The following SCHIP1 variants were observed in gnomAD, a reference collection of about 807,000 sequenced individuals.
SCHIP1 encodes schwannomin-interacting protein 1.
Under a neutral mutation model 29.7 loss-of-function variants are expected in SCHIP1, and 8 were observed. The ratio of observed to expected loss-of-function variants is 0.27; its 90% CI spans 0.16 to 0.49. SCHIP1 has a LOEUF of 0.49. SCHIP1 is among the 20% of genes least tolerant of loss of function. The pLI, the probability that SCHIP1 is intolerant of heterozygous loss-of-function variation, is 0.99. For missense variants in SCHIP1, 193 were observed against 294.6 expected, an observed-to-expected ratio of 0.66 and a Z score of 2.52; for synonymous variants, 76 against 94.9, an observed-to-expected ratio of 0.80 and a Z score of 1.16.
At position 159,855,142 on chromosome 3, in the gene SCHIP1, G is replaced by A. The variant is rs192996044; in HGVS notation, c.31-11021G>A. Reference sequence around the variant, plus strand: ...TCAGAGATCAGTTCATTATGTTCCGGATCTTAAACATGAGGGTTGTTCTCT... The same window carrying A: ...TCAGAGATCAGTTCATTATGTTCCGAATCTTAAACATGAGGGTTGTTCTCT... On this transcript the variant is annotated intron_variant, in intron 1 of 6. Coordinates refer to ENST00000445224, the Ensembl canonical transcript of SCHIP1. Among the ~76,000 whole-genome samples, 254 of 152,280 alleles carry A rather than the reference G, an allele frequency of 1.7e-3. 1 individual carries two copies. Among genetic ancestry groups the A allele is most frequent in the African/African-American group, 5.9e-3 (244 of 41,558 alleles).
At chr3:159,601,132 C>T in the SCHIP1 span, among the ~76,000 whole-genome samples, 258 of 152,248 alleles carry the variant, frequency 1.7e-3, 1 homozygote, top group African/African-American at 6.0e-3. Context: ...TGGGATGATT[C>T]TTGAGCCTCC....
chr3:159,574,997 AGGTAGTCTGTCAC>A, the SCHIP1 span, among the ~76,000 whole-genome samples: 105 of 152,186 alleles, frequency 6.9e-4, no homozygotes, highest in Non-Finnish European at 1.3e-3. Context: ...CCGTTTTTCC[AGGTAGTCTGTCAC>A]GGCTTCCCTT....
the SCHIP1 span, among the ~76,000 whole-genome samples, chr3:159,514,530 A>G: frequency 1.3e-5 from 2 of 152,372 alleles, no homozygotes; most frequent in East Asian, 3.9e-4. Flanking sequence ...TGAATGCGTC[A>G]GCTTCATTGC....
chr3:159,700,026 C>T, the SCHIP1 span, among the ~76,000 whole-genome samples: 1 of 152,168 alleles, frequency 6.6e-6, no homozygotes, highest in Non-Finnish European at 1.5e-5. Flanking sequence ...TCTCATTTCA[C>T]AGGGTGCAGA....
chr3:159,738,870 G>C, the SCHIP1 span, among the ~76,000 whole-genome samples: 1 of 152,152 alleles, frequency 6.6e-6, no homozygotes, highest in Non-Finnish European at 1.5e-5. Flanking sequence ...AGGTAAGATC[G>C]AATATGGAAA....
the SCHIP1 span, among the ~76,000 whole-genome samples, chr3:159,482,841 T>C: frequency 1.3e-5 from 2 of 152,124 alleles, no homozygotes; most frequent in African/African-American, 2.4e-5. Flanking sequence ...GTCACATTTC[T>C]GGCAATGCCC....
the SCHIP1 span, among the ~76,000 whole-genome samples, chr3:159,329,354 A>G: frequency 6.6e-6 from 1 of 152,238 alleles, no homozygotes; most frequent in South Asian, 2.1e-4. Flanking sequence ...ATGAGTGCTT[A>G]AAAGCAGAGA....
chr3:159,680,238 C>T, the SCHIP1 span, among the ~76,000 whole-genome samples: 1 of 151,754 alleles, frequency 6.6e-6, no homozygotes, highest in Non-Finnish European at 1.5e-5. Flanking sequence ...GGGCCAGGCG[C>T]GGTGGCTAAC....
the SCHIP1 span, among the ~76,000 whole-genome samples, chr3:159,630,650 G>A: frequency 2.8e-3 from 319 of 113,052 alleles, 4 homozygotes; most frequent in Admixed American, 0.021. Flanking sequence ...AAACATTCTC[G>A]CTCATAAGTG....
chr3:159,714,995 G>A, the SCHIP1 span, among the ~76,000 whole-genome samples: 1 of 152,240 alleles, frequency 6.6e-6, no homozygotes, highest in African/African-American at 2.4e-5. Context: ...GCATCTCCCA[G>A]TAGGGGATGA....
the SCHIP1 span, among the ~76,000 whole-genome samples, chr3:159,462,786 G>T: frequency 6.6e-6 from 1 of 152,138 alleles, no homozygotes; most frequent in East Asian, 1.9e-4. Flanking sequence ...TTTTATCCAA[G>T]CATTTCCATC....
chr3:159,578,151 C>T, the SCHIP1 span, among the ~76,000 whole-genome samples: 1 of 152,084 alleles, frequency 6.6e-6, no homozygotes, highest in African/African-American at 2.4e-5. Context: ...TTTTGAGTGA[C>T]AAGGTCATAA....
chr3:159,894,189 T>G (rs1717837256), intron 6 of SCHIP1: 2 of 152,238 alleles, frequency 1.3e-5, no homozygotes, highest in South Asian at 4.1e-4. Context: ...TGAGAATTTT[T>G]TTAAAGCTCT....
the SCHIP1 span, among the ~76,000 whole-genome samples, chr3:159,338,962 G>A: frequency 3.3e-5 from 5 of 151,980 alleles, no homozygotes; most frequent in Non-Finnish European, 5.9e-5. Flanking sequence ...TTATAACTGA[G>A]GAAGAAACCT....
the SCHIP1 span, among the ~76,000 whole-genome samples, chr3:159,625,278 T>G: frequency 1.3e-5 from 2 of 152,136 alleles, no homozygotes; most frequent in Admixed American, 6.6e-5. Context: ...CAATCACACC[T>G]GCCTCCTAGG....
chr3:159,608,904 G>C, the SCHIP1 span, among the ~76,000 whole-genome samples: 1 of 152,162 alleles, frequency 6.6e-6, no homozygotes, highest in Non-Finnish European at 1.5e-5. Context: ...CAGTTTACAA[G>C]TAGTCAGCCA....
chr3:159,442,520 T>C, the SCHIP1 span, among the ~76,000 whole-genome samples: 1 of 152,196 alleles, frequency 6.6e-6, no homozygotes, highest in Non-Finnish European at 1.5e-5. Context: ...TTCAGCGTTT[T>C]ACATGAAAAG....
chr3:159,756,157 C>T, the SCHIP1 span, among the ~76,000 whole-genome samples: 1 of 152,268 alleles, frequency 6.6e-6, no homozygotes, highest in Admixed American at 6.5e-5. Flanking sequence ...TCTGACCCCA[C>T]ATTTCCCTTC....
the SCHIP1 span, among the ~76,000 whole-genome samples, chr3:159,562,191 C>A: frequency 1.3e-5 from 2 of 152,182 alleles, no homozygotes; most frequent in Non-Finnish European, 2.9e-5. Context: ...GACTAACCAC[C>A]ACTATGCCCT....
Sources: gnomAD v4.1 joint callset for allele counts (sites outside exome capture counted in the v4.1 genomes callset) on GRCh38, gnomAD v4.1.1 for gene constraint, MANE v1.5 for transcripts, NCBI Gene and HGNC (gene_info 2026-07-23, HGNC 2026-07-21) for gene names.